CNOT10: variants seen among roughly 807,000 people sequenced by gnomAD.
CNOT10 encodes CCR4-NOT transcription complex subunit 10, also known as CCR4-NOT transcription complex, subunit 10.
CNOT10 carries 30 observed loss-of-function variants against 94.6 expected under a neutral mutation model. The observed-to-expected ratio is 0.32, with a 90% confidence interval of 0.24 to 0.43. The LOEUF is 0.43. Among genes scored for constraint, CNOT10 ranks in the 20% least tolerant of loss-of-function variants. The pLI is 1.00. For synonymous variants in CNOT10, 289 were observed against 301.6 expected, an observed-to-expected ratio of 0.96 and a Z score of 0.43; for missense variants, 759 against 877.2, an observed-to-expected ratio of 0.87 and a Z score of 1.70.
At chr3:32,722,760 G>T (rs557940073) in intron 8 of CNOT10, among the ~76,000 whole-genome samples, 1 of 152,120 alleles carries the variant, frequency 6.6e-6, no homozygotes, top group Non-Finnish European at 1.5e-5. Flanking sequence ...GAGGCCGACG[G>T]ATCACTTGAG....
intron 1 of CNOT10, among the ~76,000 whole-genome samples, chr3:32,689,926 G>T (rs1559472932): frequency 6.6e-6 from 1 of 152,210 alleles, no homozygotes; most frequent in South Asian, 2.1e-4. Context: ...CTGTACTGTA[G>T]CCTGGGTGAC....
At chr3:32,688,424 C>T (rs960806871) in intron 1 of CNOT10, among the ~76,000 whole-genome samples, 2 of 150,978 alleles carry the variant, frequency 1.3e-5, no homozygotes, top group Non-Finnish European at 2.9e-5. Context: ...CATGGTGAAA[C>T]CCCATCTACT....
chr3:32,724,948 A>G (rs532858211), intron 8 of CNOT10, among the ~76,000 whole-genome samples: 23 of 152,324 alleles, frequency 1.5e-4, no homozygotes, highest in Middle Eastern at 3.4e-3. Context: ...TCTAATTTCT[A>G]CATAATATTT....
intron 11 of CNOT10, 38 bp from the exon 12 acceptor site, chr3:32,734,762 T>C (rs1410655807): frequency 6.7e-7 from 1 of 1,496,006 alleles, no homozygotes; most frequent in Admixed American, 2.1e-5. Flanking sequence ...TTTTAAAATA[T>C]TTTATCCACT....
rs187723923 is a variant in CNOT10 at position 32,707,333 on chromosome 3, A to C, written c.280-1337A>C. Among the ~76,000 whole-genome samples the C allele has an allele frequency of 1.6e-3, 246 of 152,186 alleles. 1 individual carries two copies. Among genetic ancestry groups the C allele is most frequent in the African/African-American group, 5.8e-3 (239 of 41,520 alleles). Reference sequence around the variant, plus strand: ...GTTAGCCTTTAGTGAAGCCCATAAAAGCCTTTTCTAACCATCATGTGTGCA... The same window carrying C: ...GTTAGCCTTTAGTGAAGCCCATAAACGCCTTTTCTAACCATCATGTGTGCA... On this transcript the variant is annotated intron_variant, in intron 3 of 18. Transcript: ENST00000328834.
At chr3:32,755,417 CA>C (rs1234381110) in intron 13 of CNOT10, among the ~76,000 whole-genome samples, 1 of 147,940 alleles carries the variant, frequency 6.8e-6, no homozygotes, top group Non-Finnish European at 1.5e-5. Flanking sequence ...CTCCCAGGTT[CA>C]AGCAATTCTC....
rs767806572 is a variant in CNOT10 at position 32,708,719 on chromosome 3, G to A, written c.329G>A (p.Ser110Asn). Reference sequence around the variant, plus strand: ...GATGGATTAGATGATGTTGAAAACAGCATGTTGTACTATAATCAAGCAGTC... The same window carrying A: ...GATGGATTAGATGATGTTGAAAACAACATGTTGTACTATAATCAAGCAGTC... ...EMDGLDDVEN[S>N]MLYYNQAVIL... Residue 110 changes from serine (S) to asparagine (N), a missense_variant, in exon 4 of 19, where the codon AGC becomes AAC. By Grantham distance (46) the Ser-to-Asn change is conservative. This residue lies in a region of CNOT10 where 682 missense variants were observed against 799.4 expected (regional missense o/e 0.85). Transcript: ENST00000328834. The A allele has an allele frequency of 3.5e-5, 57 of 1,612,976 alleles. No homozygotes were observed. The highest frequency in any genetic ancestry group is 1.2e-5 in the Non-Finnish European group (14 of 1,179,478).
intron 1 of CNOT10, among the ~76,000 whole-genome samples, chr3:32,688,502 C>T (rs1696720430): frequency 6.6e-6 from 1 of 151,882 alleles, no homozygotes; most frequent in African/African-American, 2.4e-5. Context: ...GAGGCTGAGG[C>T]AGGAGAATTG....
At chr3:32,740,638 G>A (rs1018915454) in intron 13 of CNOT10, among the ~76,000 whole-genome samples, 7 of 151,860 alleles carry the variant, frequency 4.6e-5, no homozygotes, top group Non-Finnish European at 2.9e-5. Context: ...CGAGGCGGGT[G>A]GATCACAAGG....
chr3:32,718,460 T>C (rs1399060295), intron 7 of CNOT10, among the ~76,000 whole-genome samples: 1 of 150,094 alleles, frequency 6.7e-6, no homozygotes, highest in Admixed American at 6.7e-5. Context: ...GGCGGGCGCC[T>C]GTAGTCCCAG....
intron 8 of CNOT10, 137 bp from the exon 9 acceptor site, chr3:32,725,313 A>T (rs1169397507): frequency 1.1e-5 from 7 of 616,582 alleles, no homozygotes; most frequent in African/African-American, 1.9e-5. Context: ...CTAAATTTCA[A>T]ATGCCTTGTG....
At position 32,708,621 on chromosome 3, in the gene CNOT10, T is replaced by A; in HGVS notation, c.280-49T>A. On this transcript the variant is annotated intron_variant, in intron 3 of 18. Coordinates refer to ENST00000328834, the MANE Select transcript of CNOT10 (RefSeq NM_015442.3). ...TTCATATGAATTCTTTCACTTTTGC[T>A]TTTTATTTCCTTAATGTTAAAATAT... The A allele has an allele frequency of 2.0e-6, 3 of 1,530,954 alleles. No individual in the cohort carries two copies. In the South Asian group the frequency reaches 3.7e-5, roughly 19 times the overall value. The allele number at this position is 1,530,954 out of a possible 1,614,324, so 94.8% of individuals were successfully genotyped here.
At chr3:32,708,087 C>T (rs994545533) in intron 3 of CNOT10, among the ~76,000 whole-genome samples, 2 of 151,852 alleles carry the variant, frequency 1.3e-5, no homozygotes, top group African/African-American at 4.8e-5. Flanking sequence ...TTAGTAGAGA[C>T]GGGGTTCACC....
At chr3:32,721,429 C>CTTTTTTT (rs58351356) in intron 8 of CNOT10, among the ~76,000 whole-genome samples, 20 of 72,598 alleles carry the variant, frequency 2.8e-4, no homozygotes, top group East Asian at 1.6e-3. Context: ...TTTCTTTCAT[C>CTTTTTTT]TTTTTTTTTT....
At position 32,737,951 on chromosome 3, in the gene CNOT10, T is replaced by C. The variant is rs113146605; in HGVS notation, c.1595+461T>C. On this transcript the variant is annotated intron_variant, in intron 13 of 18. Transcript: ENST00000328834. ...TTTTCTTTTGTATAAATTTTTAGAT[T>C]TGATTTGTTAATACTTTGTTGGGAA... Among the ~76,000 whole-genome samples, 373 of 152,342 alleles carry C rather than the reference T, an allele frequency of 2.4e-3. 3 individuals carry two copies. Among genetic ancestry groups the C allele is most frequent in the African/African-American group, 8.4e-3 (351 of 41,578 alleles).
intron 13 of CNOT10, among the ~76,000 whole-genome samples, chr3:32,749,124 G>A (rs1335815266): frequency 6.8e-6 from 1 of 147,578 alleles, no homozygotes; most frequent in Non-Finnish European, 1.5e-5. Flanking sequence ...ATCCGGCCAA[G>A]AGTTCTTTAT....
intron 17 of CNOT10, chr3:32,765,317 C>CA (rs371214250): frequency 0.12 from 4,860 of 39,864 alleles, 1,836 homozygotes; most frequent in Middle Eastern, 0.26. Context: ...GACTCCGTCT[C>CA]AAAAAAAAAA....
At chr3:32,720,885 CCTT>C (rs1698354593) in intron 8 of CNOT10, among the ~76,000 whole-genome samples, 1 of 108,182 alleles carries the variant, frequency 9.2e-6, no homozygotes, top group African/African-American at 3.9e-5. Flanking sequence ...TCTTTCTTTT[CCTT>C]CTTTTCCTTC....
chr3:32,699,623 TC>T (rs1434194240), intron 1 of CNOT10, among the ~76,000 whole-genome samples: 1 of 152,150 alleles, frequency 6.6e-6, no homozygotes, highest in Non-Finnish European at 1.5e-5. Flanking sequence ...GAGTCACACT[TC>T]CCAGTATCCT....
Sources: allele counts gnomAD v4.1 joint callset (sites outside exome capture counted in the v4.1 genomes callset), GRCh38; gene constraint gnomAD v4.1.1; regional missense constraint gnomAD v4.1.1; transcripts MANE v1.5; gene names NCBI Gene and HGNC (gene_info 2026-07-23, HGNC 2026-07-21).